Variants in HIVEP1 observed in about 807,000 individuals in gnomAD.
HIVEP1 encodes HIVEP zinc finger 1, also known as zinc finger protein 40.
Under a neutral mutation model 180.0 loss-of-function variants are expected in HIVEP1, and 36 were observed. That is an observed-to-expected ratio of 0.20 (90% CI 0.15 to 0.26). HIVEP1 has a LOEUF of 0.26. HIVEP1 is among the 10% of genes least tolerant of loss of function. HIVEP1 has a pLI of 1.00. For synonymous variants in HIVEP1, 1,239 were observed against 1,239.0 expected, an observed-to-expected ratio of 1.00 and a Z score of 0.00; for missense variants, 3,143 against 3,268.7, an observed-to-expected ratio of 0.96 and a Z score of 0.94.
the HIVEP1 span, among the ~76,000 whole-genome samples, chr6:12,191,293 A>G: frequency 1.3e-5 from 2 of 152,196 alleles, no homozygotes; most frequent in African/African-American, 4.8e-5. Flanking sequence ...CAACCAATCT[A>G]AAAAGGACAC....
chr6:12,139,688 C>T (rs190434710), intron 7 of HIVEP1, among the ~76,000 whole-genome samples: 6 of 152,350 alleles, frequency 3.9e-5, no homozygotes, highest in Admixed American at 2.0e-4. Context: ...GATTATATCC[C>T]GCATCTGGCT....
intron 2 of HIVEP1, among the ~76,000 whole-genome samples, chr6:12,034,016 C>T (rs1251318172): frequency 6.6e-6 from 1 of 152,196 alleles, no homozygotes; most frequent in Non-Finnish European, 1.5e-5. Flanking sequence ...GTTTTGTAGG[C>T]AGTCTCTTCA....
intron 7 of HIVEP1, among the ~76,000 whole-genome samples, chr6:12,160,933 C>A (rs552974807): frequency 6.6e-6 from 1 of 152,184 alleles, no homozygotes; most frequent in Non-Finnish European, 1.5e-5. Flanking sequence ...TTTCTTTCCT[C>A]ATCTATAATA....
At chr6:12,089,557 G>A (rs1448365233) in intron 3 of HIVEP1, among the ~76,000 whole-genome samples, 3 of 151,804 alleles carry the variant, frequency 2.0e-5, no homozygotes, top group Admixed American at 6.6e-5. Context: ...ACAGTTGGCC[G>A]TGTCCATGCA....
In HIVEP1 at chr6:12,121,652, T is replaced by C. The variant is rs1038999430; in HGVS notation, c.1857T>C (p.Asn619=). The change falls in exon 4 of 9, where the codon AAT becomes AAC. Residue 619 remains asparagine (N), a synonymous_variant. Transcript: ENST00000379388. This position sits in a 1 kb window ranked among gnomAD's most constrained non-coding sequence, Gnocchi z 5.3. ...GTGGAGTCTCCAGGTTGGAGACTAA[T>C]GAGAATTCCCACCAGAAAGGCGACA... ...SQGGVSRLET[N]ENSHQKGDMN... 3 of 1,614,066 alleles carry C rather than the reference T, an allele frequency of 1.9e-6. 1 individual carries two copies. In the South Asian group the frequency reaches 3.3e-5, roughly 18 times the overall value.
At chr6:12,061,232 T>G (rs1771210367) in intron 2 of HIVEP1, among the ~76,000 whole-genome samples, 1 of 152,222 alleles carries the variant, frequency 6.6e-6, no homozygotes, top group Non-Finnish European at 1.5e-5. Context: ...TGATGCGATT[T>G]CCTACACTTG....
intron 7 of HIVEP1, among the ~76,000 whole-genome samples, chr6:12,152,202 C>T (rs1031034141): frequency 2.0e-5 from 3 of 152,094 alleles, no homozygotes; most frequent in Non-Finnish European, 4.4e-5. Context: ...AAACCAGTTA[C>T]TCAACATAGT....
intron 3 of HIVEP1, among the ~76,000 whole-genome samples, chr6:12,102,345 A>G (rs1353628807): frequency 6.6e-6 from 1 of 152,186 alleles, no homozygotes; most frequent in African/African-American, 2.4e-5. Flanking sequence ...CTAGGCCATA[A>G]AACAGTTGAT....
At chr6:12,008,249 C>T (rs975377495), upstream of HIVEP1, 4 of 152,116 alleles carry the variant, frequency 2.6e-5, no homozygotes, top group Non-Finnish European at 5.9e-5. Flanking sequence ...GAATTTGTTG[C>T]CTTTAGATTT....
chr6:12,205,909 A>G, the HIVEP1 span, among the ~76,000 whole-genome samples: 3 of 152,070 alleles, frequency 2.0e-5, no homozygotes, highest in African/African-American at 7.2e-5. Flanking sequence ...TTCCTCTGCA[A>G]TCTCAGCTGC....
At chr6:12,202,828 G>A in the HIVEP1 span, among the ~76,000 whole-genome samples, 4 of 152,122 alleles carry the variant, frequency 2.6e-5, no homozygotes, top group African/African-American at 9.7e-5. Flanking sequence ...CATTAGCCAC[G>A]TGTCAGAAGA....
At chr6:12,011,245 C>A (rs1444991038), upstream of HIVEP1, among the ~76,000 whole-genome samples, 1 of 149,292 alleles carries the variant, frequency 6.7e-6, no homozygotes, top group African/African-American at 2.5e-5. Flanking sequence ...TCCTTCTACG[C>A]GTTGCTGAGG....
chr6:12,169,518 A>G (rs1241714806), downstream of HIVEP1, among the ~76,000 whole-genome samples: 3 of 152,172 alleles, frequency 2.0e-5, no homozygotes, highest in Non-Finnish European at 2.9e-5. Context: ...TACAGTTTCT[A>G]CCCCAGAGGA....
At position 12,161,761 on chromosome 6, in the gene HIVEP1, G is replaced by A; in HGVS notation, c.6810G>A (p.Lys2270=). The A allele has an allele frequency of 6.2e-7, 1 of 1,614,188 alleles. No homozygotes were observed. Among genetic ancestry groups the A allele is most frequent in the Admixed American group, 1.7e-5 (1 of 60,030 alleles). ...LSTAQSDYNR[K]TLSPGKARQR... Reference sequence around the variant, plus strand: ...CAGCACAGTCTGACTACAATAGGAAGACACTCTCTCCGGGGAAGGCCAGGC... The same window carrying A: ...CAGCACAGTCTGACTACAATAGGAAAACACTCTCTCCGGGGAAGGCCAGGC... The change falls in exon 8 of 9, where the codon AAG becomes AAA. Residue 2270 remains lysine, a synonymous_variant. Transcript: ENST00000379388.
downstream of HIVEP1, among the ~76,000 whole-genome samples, chr6:12,168,669 A>T (rs1040609107): frequency 2.0e-5 from 3 of 151,998 alleles, no homozygotes; most frequent in African/African-American, 7.3e-5. Context: ...GCTGGGCAGC[A>T]GCAGGAGCCA....
At chr6:12,119,108 G>A (rs1468215980) in intron 3 of HIVEP1, among the ~76,000 whole-genome samples, 1 of 152,208 alleles carries the variant, frequency 6.6e-6, no homozygotes, top group Non-Finnish European at 1.5e-5. Context: ...TTTTTATAGA[G>A]AGAAAGATTA....
At chr6:12,099,183 G>GGTTTTTTTTTTTTTT (rs373744044) in intron 3 of HIVEP1, among the ~76,000 whole-genome samples, 6 of 138,460 alleles carry the variant, frequency 4.3e-5, no homozygotes, top group African/African-American at 1.6e-4. Context: ...ATGTCACTGA[G>GGTTTTTTTTTTTTTT]TTTTTTTTTT....
chr6:12,017,223 C>CTGTGTCTGGAAT (rs1286392449), intron 2 of HIVEP1, among the ~76,000 whole-genome samples: 6 of 152,172 alleles, frequency 3.9e-5, no homozygotes, highest in African/African-American at 1.2e-4. Context: ...ATGTTTGTTA[C>CTGTGTCTGGAAT]TGTGTCTGGA....
intron 2 of HIVEP1, among the ~76,000 whole-genome samples, chr6:12,071,857 A>G (rs922056591): frequency 6.6e-6 from 1 of 152,138 alleles, no homozygotes; most frequent in African/African-American, 2.4e-5. Flanking sequence ...ATTTTTTGTA[A>G]TCTGTTTTAT....
Sources: gnomAD v4.1 joint callset for allele counts (sites outside exome capture counted in the v4.1 genomes callset) on GRCh38, gnomAD v4.1.1 for gene constraint, Gnocchi (gnomAD v3.1) non-coding constraint, MANE v1.5 for transcripts, NCBI Gene and HGNC (gene_info 2026-07-23, HGNC 2026-07-21) for gene names.